TCF7L2: variants seen among roughly 807,000 people sequenced by gnomAD.
TCF7L2 encodes transcription factor 7-like 2.
In TCF7L2, 23 loss-of-function variants were observed where a neutral mutation model predicts 77.9. That is an observed-to-expected ratio of 0.30 (90% CI 0.21 to 0.42). The LOEUF (loss-of-function observed/expected upper bound fraction) is 0.42, where lower values mean the gene tolerates loss of function less well. Among genes scored for constraint, TCF7L2 ranks in the 10% least tolerant of loss-of-function variants. The probability of loss-of-function intolerance (pLI) is 1.00; values close to 1 mark genes in which losing one functional copy is unlikely to be tolerated. For synonymous variants in TCF7L2, 413 were observed against 340.2 expected, an observed-to-expected ratio of 1.21 and a Z score of -2.36; for missense variants, 654 against 793.1, an observed-to-expected ratio of 0.82 and a Z score of 2.11.
chr10:113,142,343 A>G (rs1179654996), intron 6 of TCF7L2, among the ~76,000 whole-genome samples: 1 of 151,960 alleles, frequency 6.6e-6, no homozygotes, highest in Non-Finnish European at 1.5e-5. Context: ...CCCAAAGGGG[A>G]GAGGGAGGGA....
chr10:112,992,766 T>C (rs2042802090), intron 4 of TCF7L2, among the ~76,000 whole-genome samples: 1 of 151,426 alleles, frequency 6.6e-6, no homozygotes, highest in African/African-American at 2.4e-5. Flanking sequence ...ATATTTTTCT[T>C]TCTTTTTTTT....
At chr10:113,024,946 A>G (rs377594850) in intron 4 of TCF7L2, among the ~76,000 whole-genome samples, 1 of 152,148 alleles carries the variant, frequency 6.6e-6, no homozygotes, top group African/African-American at 2.4e-5. Context: ...AATTTTATAC[A>G]ATATTTTAAA....
At position 113,140,342 on chromosome 10, in the gene TCF7L2, C is replaced by T. The variant is rs148960001; in HGVS notation, c.553-842C>T. On this transcript the variant is annotated intron_variant, in intron 5 of 13. Transcript: ENST00000627217. ...AACATTTTTAAAATGCTTTTCTTCC[C>T]CCCACCCTGCCCTCTGCTTCTCTCC... Among the ~76,000 whole-genome samples, 44 of 152,150 alleles carry T rather than the reference C, an allele frequency of 2.9e-4. No individual in the cohort carries two copies. In the East Asian group the frequency reaches 7.9e-3, roughly 27 times the overall value.
At position 113,073,129 on chromosome 10, in the gene TCF7L2, T is replaced by TGTGTGTGTGAGAGAGAGA. The variant is rs56927661; in HGVS notation, c.552+33004_552+33005insTGTGTGTGAGAGAGAGAG. 4.9e-5 allele frequency among the ~76,000 whole-genome samples: 6 copies of TGTGTGTGTGAGAGAGAGA among 123,580 alleles called. No homozygotes were observed. In the East Asian group the frequency reaches 1.6e-3, roughly 34 times the overall value. The allele number at this position is 123,580 out of a possible 152,430, so 81.1% of individuals were successfully genotyped here. ...GTGTGTGTGTGTGTGTGTGTGTGTG[T>TGTGTGTGTGAGAGAGAGA]GAGAGAGAGAGAGAGAGAGAGACAG... On this transcript the variant is annotated intron_variant, in intron 5 of 13. Transcript: ENST00000627217.
At chr10:113,065,335 C>G (rs141551453) in intron 5 of TCF7L2, among the ~76,000 whole-genome samples, 1 of 152,322 alleles carries the variant, frequency 6.6e-6, no homozygotes, top group East Asian at 1.9e-4. Context: ...GGGCAGAGAC[C>G]AGAAGACATT....
At chr10:113,070,266 A>ATTTATATATATATATATAT (rs953072031) in intron 5 of TCF7L2, among the ~76,000 whole-genome samples, 8 of 96,462 alleles carry the variant, frequency 8.3e-5, no homozygotes, top group Non-Finnish European at 1.2e-4. Flanking sequence ...AAAAAAAAAA[A>ATTTATATATATATATATAT]ATTTATATAT....
At chr10:113,094,498 G>A (rs559377497) in intron 5 of TCF7L2, among the ~76,000 whole-genome samples, 1 of 152,224 alleles carries the variant, frequency 6.6e-6, no homozygotes, top group East Asian at 1.9e-4. Context: ...TATAACTTTG[G>A]ATTAGCAAGC....
chr10:113,089,594 C>T lies in TCF7L2; in HGVS notation c.552+49468C>T, dbSNP rs10749127. 0.29 allele frequency: 458,943 copies of T among 1,589,330 alleles called. 67,133 individuals are homozygous for T. The highest frequency in any genetic ancestry group is 0.33 in the Middle Eastern group (1,880 of 5,682). ...AGATGAGCTAGCTCTAAAATGAAGC[C>T]GCCCACCCAAAGTTTACCTCTCTCT... is the stretch of plus-strand genomic sequence containing the variant. On this transcript the variant is annotated intron_variant, in intron 5 of 13. Coordinates refer to ENST00000627217, the MANE Select transcript of TCF7L2 (RefSeq NM_001146274.2).
chr10:113,096,609 G>A (rs1441760239), intron 5 of TCF7L2, among the ~76,000 whole-genome samples: 1 of 152,082 alleles, frequency 6.6e-6, no homozygotes. Flanking sequence ...AAGCGCCATA[G>A]GAGGCCAGAT....
chr10:112,984,601 C>CGGCCGGGCGCGGTGGCTCACGCCTGTAAT, intron 4 of TCF7L2, among the ~76,000 whole-genome samples: 1 of 152,100 alleles, frequency 6.6e-6, no homozygotes, highest in African/African-American at 2.4e-5. Context: ...AAACTATTTC[C>CGGCCGGGCGCGGTGGCTCACGCCTGTAAT]CCAGGCAGTG....
chr10:113,127,731 G>A (rs1015011382), intron 5 of TCF7L2, among the ~76,000 whole-genome samples: 1 of 152,086 alleles, frequency 6.6e-6, no homozygotes, highest in Non-Finnish European at 1.5e-5. Context: ...ATTTAGAGTA[G>A]TGCGATGGGA....
At chr10:112,971,952 G>A (rs533345951) in intron 4 of TCF7L2, among the ~76,000 whole-genome samples, 1 of 151,576 alleles carries the variant, frequency 6.6e-6, no homozygotes, top group South Asian at 2.1e-4. Flanking sequence ...GCGGAGTCTC[G>A]CTCTATTTCC....
At chr10:113,041,471 G>A (rs1373212492) in intron 5 of TCF7L2, among the ~76,000 whole-genome samples, 1 of 152,200 alleles carries the variant, frequency 6.6e-6, no homozygotes, top group Non-Finnish European at 1.5e-5. Context: ...AATGTCACAC[G>A]CTGAGTCAGT....
At chr10:112,951,323 C>T (rs1269435524) in intron 2 of TCF7L2, 50 bp downstream of exon 2, 4 of 989,496 alleles carry the variant, frequency 4.0e-6, no homozygotes, top group Admixed American at 6.3e-5. Flanking sequence ...CCCCCCGGGC[C>T]GGCCGCCCCG....
chr10:113,072,186 G>A (rs775104043), intron 5 of TCF7L2, among the ~76,000 whole-genome samples: 23 of 151,942 alleles, frequency 1.5e-4, no homozygotes, highest in Non-Finnish European at 2.4e-4. Flanking sequence ...CTCCAGAGTA[G>A]CTGGGACTAC....
chr10:112,958,145 A>G (rs2034170519), intron 3 of TCF7L2, among the ~76,000 whole-genome samples: 1 of 152,180 alleles, frequency 6.6e-6, no homozygotes, highest in Non-Finnish European at 1.5e-5. Flanking sequence ...GCTTTTCCCA[A>G]GATAGGTTTT....
intron 4 of TCF7L2, among the ~76,000 whole-genome samples, chr10:112,984,764 G>C (rs1281408024): frequency 6.6e-6 from 1 of 152,176 alleles, no homozygotes; most frequent in East Asian, 1.9e-4. Context: ...AAATTATCTG[G>C]CTGCAGATAG....
At position 113,166,077 on chromosome 10, in the gene TCF7L2, T is replaced by C; in HGVS notation, c.*105T>C. 2 of 1,126,244 alleles carry C rather than the reference T, an allele frequency of 1.8e-6. No individual in the cohort carries two copies. Among genetic ancestry groups the C allele is most frequent in the Non-Finnish European group, 1.2e-6 (1 of 847,906 alleles). 69.8% of individuals were successfully genotyped at this position (1,126,244 alleles called of 1,614,324 possible). A position where few individuals can be genotyped will look rare whatever the true frequency, so the allele number is the denominator to read the frequency against. On this transcript the variant is annotated 3_prime_UTR_variant, in exon 14 of 14. Transcript: ENST00000627217. ...AGGTTTTGTTTTGTACTCTCTTAAT[T>C]TTGTGCCATGTGGCTACATTAGTTG... is the stretch of plus-strand genomic sequence containing the variant.
At chr10:112,994,948 A>T (rs2043195343) in intron 4 of TCF7L2, among the ~76,000 whole-genome samples, 1 of 152,082 alleles carries the variant, frequency 6.6e-6, no homozygotes. Flanking sequence ...AAAAATACAA[A>T]AATTAGCCAG....
Sources: gnomAD v4.1 joint callset for allele counts (sites outside exome capture counted in the v4.1 genomes callset) on GRCh38, gnomAD v4.1.1 for gene constraint, MANE v1.5 for transcripts, NCBI Gene and HGNC (gene_info 2026-07-23, HGNC 2026-07-21) for gene names.